FHOD3: variants seen among roughly 807,000 people sequenced by gnomAD.
The protein encoded by FHOD3 is FH1/FH2 domain-containing protein 3.
In FHOD3, 90 loss-of-function variants were observed where a neutral mutation model predicts 173.0. That is an observed-to-expected ratio of 0.52 (90% confidence interval 0.44 to 0.62). The LOEUF (loss-of-function observed/expected upper bound fraction) is 0.62, where lower values mean the gene tolerates loss of function less well. FHOD3 is among the 20% of genes least tolerant of loss of function. The probability of loss-of-function intolerance (pLI) is 0.00; values close to 1 mark genes in which losing one functional copy is unlikely to be tolerated. For synonymous variants in FHOD3, 828 were observed against 823.0 expected (o/e 1.01, Z -0.10); for missense variants, 1,945 against 2,034.7 (o/e 0.96, Z 0.85).
At chr18:36,746,759 A>G (rs1374399767) in intron 23 of FHOD3, among the ~76,000 whole-genome samples, 186 bp from the exon 24 acceptor site, 1 of 152,258 alleles carries the variant, frequency 6.6e-6, no homozygotes, top group Non-Finnish European at 1.5e-5. Flanking sequence ...TTTTATCACT[A>G]AATAATGTGA....
At chr18:36,377,326 CA>C (rs1036357088) in intron 3 of FHOD3, among the ~76,000 whole-genome samples, 1 of 151,990 alleles carries the variant, frequency 6.6e-6, no homozygotes, top group Non-Finnish European at 1.5e-5. Flanking sequence ...TCCCTCTAAT[CA>C]ATTTGAGCTG....
intron 15 of FHOD3, among the ~76,000 whole-genome samples, chr18:36,685,497 G>C (rs565056016): frequency 3.3e-5 from 5 of 152,164 alleles, no homozygotes; most frequent in Non-Finnish European, 5.9e-5. Flanking sequence ...TTTTTGCAAA[G>C]CATCTAAAAG....
chr18:36,532,873 A>G (rs12457657), intron 5 of FHOD3, among the ~76,000 whole-genome samples: 61,546 of 152,130 alleles, frequency 0.4, 13,419 homozygotes, highest in Non-Finnish European at 0.49. Flanking sequence ...GTTAGAGGAG[A>G]TGAAATAGTG....
At chr18:36,554,380 G>A (rs902787386) in intron 5 of FHOD3, among the ~76,000 whole-genome samples, 20 of 150,288 alleles carry the variant, frequency 1.3e-4, no homozygotes, top group African/African-American at 3.7e-4. Flanking sequence ...GCAAACTATC[G>A]CAAGGACAAA....
intron 17 of FHOD3, among the ~76,000 whole-genome samples, chr18:36,698,636 A>G (rs2039414984): frequency 6.6e-6 from 1 of 152,144 alleles, no homozygotes; most frequent in African/African-American, 2.4e-5. Context: ...CAAAATTATT[A>G]TTTCCTAGGC....
chr18:36,734,387 C>T (rs1434089026), intron 20 of FHOD3, among the ~76,000 whole-genome samples: 1 of 152,160 alleles, frequency 6.6e-6, no homozygotes, highest in Non-Finnish European at 1.5e-5. Context: ...TACCCTCCCC[C>T]CACAACCAAA....
intron 3 of FHOD3, among the ~76,000 whole-genome samples, chr18:36,436,741 G>A (rs186359265): frequency 1.4e-4 from 21 of 152,246 alleles, no homozygotes; most frequent in East Asian, 1.4e-3. Context: ...AAATTTAGCC[G>A]TAACTGCACA....
chr18:36,613,536 A>G (rs904181182), intron 9 of FHOD3, among the ~76,000 whole-genome samples: 3 of 152,118 alleles, frequency 2.0e-5, no homozygotes, highest in African/African-American at 7.2e-5. Flanking sequence ...TCAACCAGGA[A>G]AGTGAATTCC....
At chr18:36,610,894 A>G (rs2032605828) in intron 8 of FHOD3, among the ~76,000 whole-genome samples, 3 of 152,228 alleles carry the variant, frequency 2.0e-5, no homozygotes, top group Admixed American at 6.5e-5. Flanking sequence ...CTTTTATCCC[A>G]GTGTCTTCAG....
chr18:36,582,527 C>A (rs571409401), intron 6 of FHOD3, among the ~76,000 whole-genome samples: 18 of 152,278 alleles, frequency 1.2e-4, no homozygotes, highest in Admixed American at 1.0e-3. Context: ...TTCGGACATG[C>A]ATTACCTGTC....
chr18:36,652,459 G>C, intron 11 of FHOD3, 111 bp from the exon 12 acceptor site: 1 of 1,278,666 alleles, frequency 7.8e-7, no homozygotes, highest in Non-Finnish European at 1.0e-6. Flanking sequence ...TTTGAAGTGA[G>C]TGATAATAGT....
intron 10 of FHOD3, among the ~76,000 whole-genome samples, chr18:36,636,671 T>C (rs77282016): frequency 6.6e-6 from 1 of 151,682 alleles, no homozygotes; most frequent in South Asian, 2.1e-4. Context: ...TTTTTTTTTT[T>C]CCAGCCATGT....
chr18:36,681,702 A>G, intron 15 of FHOD3, 132 bp downstream of exon 15: 1 of 1,138,356 alleles, frequency 8.8e-7, no homozygotes, highest in South Asian at 1.7e-5. Context: ...TAAGGAAGAG[A>G]AAGACATACC....
intron 5 of FHOD3, among the ~76,000 whole-genome samples, chr18:36,556,495 C>G (rs2057891202): frequency 6.6e-6 from 1 of 152,128 alleles, no homozygotes; most frequent in Non-Finnish European, 1.5e-5. Flanking sequence ...CCCAAGGATA[C>G]TAGACACAAC....
Position 36,775,394 on chromosome 18 carries a change from G to A in FHOD3, c.4787-4054G>A, listed in dbSNP as rs112584298. ...GTCAGGAACTGTCCTGCCAAGCATC[G>A]GCAGGGCACAGCTGTTTCCAGTGTG... On this transcript the variant is annotated intron_variant, in intron 28 of 28. Coordinates refer to ENST00000590592, the MANE Select transcript of FHOD3 (RefSeq NM_001281740.3). 4.0e-3 allele frequency among the ~76,000 whole-genome samples: 615 copies of A among 152,306 alleles called. 6 individuals are homozygous for A. The highest frequency in any genetic ancestry group is 0.014 in the African/African-American group (595 of 41,580).
chr18:36,689,728 G>T (rs1223446430), intron 16 of FHOD3, among the ~76,000 whole-genome samples: 1 of 152,126 alleles, frequency 6.6e-6, no homozygotes, highest in East Asian at 1.9e-4. Flanking sequence ...GTTTGGGTTT[G>T]TTAGTCTGAG....
chr18:36,700,512 C>T (rs910637201), intron 17 of FHOD3, among the ~76,000 whole-genome samples: 3 of 152,196 alleles, frequency 2.0e-5, no homozygotes, highest in Non-Finnish European at 2.9e-5. Context: ...AATCAATCCC[C>T]AAGTGTCTTT....
intron 5 of FHOD3, among the ~76,000 whole-genome samples, chr18:36,554,145 C>G (rs983773329): frequency 3.3e-5 from 5 of 152,060 alleles, no homozygotes; most frequent in Admixed American, 2.6e-4. Flanking sequence ...GGGTATATAC[C>G]CAAAGGACTA....
intron 9 of FHOD3, among the ~76,000 whole-genome samples, chr18:36,619,058 C>T (rs951818955): frequency 1.3e-5 from 2 of 152,192 alleles, no homozygotes; most frequent in Non-Finnish European, 2.9e-5. Flanking sequence ...TTCTGGGACC[C>T]AAGGCTGCTT....
Sources: gnomAD v4.1 joint callset for allele counts (sites outside exome capture counted in the v4.1 genomes callset) on GRCh38, gnomAD v4.1.1 for gene constraint, MANE v1.5 for transcripts, NCBI Gene and HGNC (gene_info 2026-07-23, HGNC 2026-07-21) for gene names.